The following OSBPL10 variants were observed in gnomAD, a reference collection of about 807,000 sequenced individuals.
OSBPL10 encodes oxysterol-binding protein-related protein 10.
OSBPL10 carries 49 observed loss-of-function variants against 81.7 expected under a neutral mutation model. The observed-to-expected ratio is 0.60, with a 90% CI of 0.48 to 0.76. The LOEUF is 0.76. OSBPL10 is among the 30% of genes least tolerant of loss of function. The probability of loss-of-function intolerance (pLI) is 0.00; values close to 1 mark genes in which losing one functional copy is unlikely to be tolerated. For synonymous variants in OSBPL10, 419 were observed against 383.6 expected, an observed-to-expected ratio of 1.09 and a Z score of -1.08; for missense variants, 923 against 987.8, an observed-to-expected ratio of 0.93 and a Z score of 0.88.
chr3:31,987,912 A>G (rs966449621), intron 2 of OSBPL10, among the ~76,000 whole-genome samples: 5 of 152,248 alleles, frequency 3.3e-5, no homozygotes, highest in Non-Finnish European at 1.5e-5. Flanking sequence ...ATAGGAAAAA[A>G]TACTTATGAA....
intron 2 of OSBPL10, among the ~76,000 whole-genome samples, chr3:32,024,990 A>T (rs971064490): frequency 3.3e-5 from 5 of 152,146 alleles, no homozygotes; most frequent in South Asian, 4.2e-4. Context: ...TGTCTTTTTT[A>T]TTTTTGGCCT....
chr3:31,851,669 C>T (rs1040761893), intron 3 of OSBPL10, among the ~76,000 whole-genome samples: 1 of 152,288 alleles, frequency 6.6e-6, no homozygotes, highest in African/African-American at 2.4e-5. Context: ...ATAAAATTTC[C>T]GAAAGATGTG....
At chr3:31,922,510 C>G (rs1488970630) in intron 1 of OSBPL10, among the ~76,000 whole-genome samples, 1 of 151,946 alleles carries the variant, frequency 6.6e-6, no homozygotes, top group East Asian at 1.9e-4. Flanking sequence ...CCCAGTTACT[C>G]GAGAGACTGA....
At chr3:31,687,003 C>G (rs1415978057) in intron 7 of OSBPL10, among the ~76,000 whole-genome samples, 1 of 152,184 alleles carries the variant, frequency 6.6e-6, no homozygotes, top group African/African-American at 2.4e-5. Context: ...GGTGCACAAG[C>G]TGGGGAGTGT....
intron 2 of OSBPL10, among the ~76,000 whole-genome samples, chr3:32,046,290 A>T (rs79473506): frequency 6.6e-6 from 1 of 152,256 alleles, no homozygotes; most frequent in East Asian, 1.9e-4. Context: ...TTAAAAATTG[A>T]CGCCCTCATC....
chr3:31,902,777 G>A (rs938305529), intron 1 of OSBPL10, among the ~76,000 whole-genome samples: 1 of 152,152 alleles, frequency 6.6e-6, no homozygotes. Flanking sequence ...TGTTAGTCAG[G>A]ATGGTCTCGA....
At chr3:32,039,270 G>C (rs1699548697) in intron 2 of OSBPL10, among the ~76,000 whole-genome samples, 1 of 151,738 alleles carries the variant, frequency 6.6e-6, no homozygotes, top group African/African-American at 2.4e-5. Flanking sequence ...AGGTTGCAGT[G>C]AGCCGGGACC....
intron 8 of OSBPL10, among the ~76,000 whole-genome samples, chr3:31,678,895 C>G (rs1210129938): frequency 6.6e-6 from 1 of 151,850 alleles, no homozygotes; most frequent in African/African-American, 2.4e-5. Context: ...ACTGGGCCCT[C>G]TCCACTTCTG....
intron 7 of OSBPL10, among the ~76,000 whole-genome samples, chr3:31,700,888 AGTC>A (rs1187359770): frequency 6.6e-6 from 1 of 152,204 alleles, no homozygotes; most frequent in Non-Finnish European, 1.5e-5. Context: ...ATGGAGAACA[AGTC>A]GTCATAGCTT....
intron 4 of OSBPL10, among the ~76,000 whole-genome samples, chr3:31,799,078 G>C (rs192854247): frequency 6.6e-5 from 10 of 152,290 alleles, no homozygotes; most frequent in Middle Eastern, 3.4e-3. Context: ...ACCACCTGGG[G>C]ATTGGGAATC....
At chr3:32,060,059 T>C (rs1303747204) in intron 1 of OSBPL10, among the ~76,000 whole-genome samples, 11 of 151,926 alleles carry the variant, frequency 7.2e-5, no homozygotes, top group Non-Finnish European at 1.5e-4. Flanking sequence ...TACGAAATTA[T>C]CTTCGTGAAA....
chr3:31,990,428 G>C, intron 2 of OSBPL10: 1 of 1,599,250 alleles, frequency 6.3e-7, no homozygotes, highest in Non-Finnish European at 8.5e-7. Context: ...ACTCATACTG[G>C]AGAGAAACCT....
At chr3:31,797,102 C>A (rs1195445016) in intron 4 of OSBPL10, among the ~76,000 whole-genome samples, 1 of 141,062 alleles carries the variant, frequency 7.1e-6, no homozygotes, top group Non-Finnish European at 1.5e-5. Context: ...TCAAGTGATT[C>A]TCCTGCCTCA....
At chr3:31,874,556 G>A (rs867523593) in intron 3 of OSBPL10, among the ~76,000 whole-genome samples, 3 of 152,060 alleles carry the variant, frequency 2.0e-5, no homozygotes, top group African/African-American at 7.2e-5. Context: ...AACAAGTGAA[G>A]GATATAAATT....
At chr3:31,874,293 A>C (rs2125627238) in intron 3 of OSBPL10, among the ~76,000 whole-genome samples, 1 of 152,292 alleles carries the variant, frequency 6.6e-6, no homozygotes, top group Non-Finnish European at 1.5e-5. Context: ...AAAACAGTGA[A>C]GAATATTTTC....
In OSBPL10 at chr3:32,000,060, A is replaced by G. The variant is rs572273943; in HGVS notation, n.298+46431T>C. Among the ~76,000 whole-genome samples the G allele has an allele frequency of 8.0e-4, 121 of 152,192 alleles. 1 individual carries two copies. The highest frequency in any genetic ancestry group is 2.6e-3 in the African/African-American group (108 of 41,526). ...CAAAAAGTCTGAGTCTCATGGTCCA[A>G]TGGTTATCTTTGTTTGTTTCTAAGT... On this transcript the variant is annotated intron_variant and non_coding_transcript_variant, in intron 2 of 3. Coordinates refer to the OSBPL10 transcript ENST00000479173.
intron 6 of OSBPL10, among the ~76,000 whole-genome samples, chr3:31,731,047 G>A (rs1696957415): frequency 6.6e-6 from 1 of 152,150 alleles, no homozygotes; most frequent in Non-Finnish European, 1.5e-5. Flanking sequence ...ACAGAAAGGA[G>A]GCAACAGCAA....
At chr3:31,749,923 G>A (rs942864253) in intron 4 of OSBPL10, among the ~76,000 whole-genome samples, 3 of 151,528 alleles carry the variant, frequency 2.0e-5, no homozygotes, top group Middle Eastern at 3.2e-3. Context: ...GCTCACGCCT[G>A]TAATCCCAAC....
chr3:31,961,483 T>C (rs1698158255), intron 1 of OSBPL10, among the ~76,000 whole-genome samples: 3 of 152,196 alleles, frequency 2.0e-5, no homozygotes, highest in South Asian at 4.1e-4. Flanking sequence ...ATATTTCCAA[T>C]TTTGCTGGGA....
Sources: gnomAD v4.1 joint callset for allele counts (sites outside exome capture counted in the v4.1 genomes callset) on GRCh38, gnomAD v4.1.1 for gene constraint, MANE v1.5 for transcripts, NCBI Gene and HGNC (gene_info 2026-07-23, HGNC 2026-07-21) for gene names.